The following UBE2D2 variants were observed in gnomAD, a reference collection of about 807,000 sequenced individuals.
UBE2D2 encodes ubiquitin conjugating enzyme E2 D2.
Under a neutral mutation model 24.2 loss-of-function variants are expected in UBE2D2, and 2 were observed. The ratio of observed to expected loss-of-function variants is 0.08; its 90% CI spans 0.03 to 0.26. The LOEUF (loss-of-function observed/expected upper bound fraction) is 0.26, where lower values mean the gene tolerates loss of function less well. Among genes scored for constraint, UBE2D2 ranks in the 10% least tolerant of loss-of-function variants. The pLI is 1.00. For missense variants in UBE2D2, 44 were observed against 177.6 expected (o/e 0.25, Z 4.28); for synonymous variants, 58 against 56.5 (o/e 1.03, Z -0.12).
chr5:139,588,312 C>CTGGAG lies in UBE2D2; in HGVS notation c.25-12047_25-12043dup, dbSNP rs1316911477. On this transcript the variant is annotated intron_variant, in intron 1 of 6. Coordinates refer to ENST00000398733, the MANE Select transcript of UBE2D2 (RefSeq NM_003339.3). ...AGGGAGTTTTGCTGTGTCGCCCAGG[C>CTGGAG]TGGAGTGGAGTGGAGTGCAGTGGCG... Among the ~76,000 whole-genome samples the CTGGAG allele has an allele frequency of 4.0e-5, 6 of 151,520 alleles. No homozygotes were observed. The East Asian group carries it at 9.7e-4, about 25-fold the overall frequency.
intron 1 of UBE2D2, among the ~76,000 whole-genome samples, chr5:139,589,599 C>T (rs1351093765): frequency 6.6e-6 from 1 of 152,026 alleles, no homozygotes; most frequent in Non-Finnish European, 1.5e-5. Flanking sequence ...TTGATGGAAA[C>T]AATTATTGAA....
At chr5:139,584,928 T>C (rs899088883) in intron 1 of UBE2D2, among the ~76,000 whole-genome samples, 8 of 149,978 alleles carry the variant, frequency 5.3e-5, no homozygotes, top group African/African-American at 2.0e-4. Flanking sequence ...GAGACACAGG[T>C]TCGCTCTTGT....
At chr5:139,570,448 C>T (rs1056689196) in intron 1 of UBE2D2, among the ~76,000 whole-genome samples, 1 of 152,122 alleles carries the variant, frequency 6.6e-6, no homozygotes, top group South Asian at 2.1e-4. Context: ...TCAAGAGATT[C>T]TCCTGCCTCA....
chr5:139,540,695 C>T (rs886483692), intron 1 of UBE2D2, among the ~76,000 whole-genome samples: 2 of 152,020 alleles, frequency 1.3e-5, no homozygotes, highest in African/African-American at 2.4e-5. Flanking sequence ...ACAATATTTA[C>T]ATTAAAAAGT....
At chr5:139,585,964 A>G (rs1561511679) in intron 1 of UBE2D2, among the ~76,000 whole-genome samples, 4 of 149,894 alleles carry the variant, frequency 2.7e-5, no homozygotes, top group Non-Finnish European at 5.9e-5. Flanking sequence ...AAAAAAAAGA[A>G]GAAAGAAATA....
At chr5:139,613,981 G>A (rs1268909204) in intron 2 of UBE2D2, among the ~76,000 whole-genome samples, 1 of 150,646 alleles carries the variant, frequency 6.6e-6, no homozygotes. Context: ...AGAATTGCTT[G>A]AACCCGGGAG....
intron 2 of UBE2D2, among the ~76,000 whole-genome samples, chr5:139,602,562 C>T (rs1444508449): frequency 2.0e-5 from 3 of 151,984 alleles, no homozygotes; most frequent in Admixed American, 1.3e-4. Flanking sequence ...CCTGTAGCCC[C>T]AGCTACTCAG....
chr5:139,600,714 A>G (rs1298172991), intron 2 of UBE2D2, among the ~76,000 whole-genome samples: 1 of 152,182 alleles, frequency 6.6e-6, no homozygotes, highest in Non-Finnish European at 1.5e-5. Context: ...ACAACTAGCT[A>G]TTATTCTTGA....
In UBE2D2 at chr5:139,597,069, AT is replaced by A. The variant is rs757675920; in HGVS notation, c.25-3302del. On this transcript the variant is annotated intron_variant, in intron 1 of 6. Transcript: ENST00000398733. The stretch of plus-strand genomic sequence containing the variant: ...TAAAAAAAAAATTACATTAAAAAAA[AT>A]AATAAACAACTTTGAGATAGGGTAT... Among the ~76,000 whole-genome samples, 31 of 152,240 alleles carry A rather than the reference AT, an allele frequency of 2.0e-4. No individual in the cohort carries two copies. The East Asian group carries it at 3.9e-3, about 19-fold the overall frequency.
chr5:139,537,623 G>A (rs925438904), intron 1 of UBE2D2, among the ~76,000 whole-genome samples: 2 of 151,754 alleles, frequency 1.3e-5, no homozygotes, highest in Admixed American at 1.3e-4. Flanking sequence ...CAAAGTGCTG[G>A]GATTATAGGC....
At chr5:139,614,795 A>C in intron 4 of UBE2D2, 21 bp downstream of exon 4, 2 of 1,613,008 alleles carry the variant, frequency 1.2e-6, no homozygotes, top group Non-Finnish European at 1.7e-6. Flanking sequence ...GGAATGTGGC[A>C]GTTTTTAATG....
At chr5:139,582,532 T>C (rs1753626455) in intron 1 of UBE2D2, among the ~76,000 whole-genome samples, 1 of 151,706 alleles carries the variant, frequency 6.6e-6, no homozygotes, top group Non-Finnish European at 1.5e-5. Flanking sequence ...TTTTAAATAA[T>C]TTTGTTCATG....
At chr5:139,615,341 T>C (rs1052345562) in intron 5 of UBE2D2, among the ~76,000 whole-genome samples, 3 of 152,032 alleles carry the variant, frequency 2.0e-5, no homozygotes, top group Non-Finnish European at 4.4e-5. Context: ...AAAAATTAGC[T>C]GGGCATGGTG....
chr5:139,571,015 T>C (rs918937494), intron 1 of UBE2D2, among the ~76,000 whole-genome samples: 2 of 152,242 alleles, frequency 1.3e-5, no homozygotes, highest in African/African-American at 4.8e-5. Flanking sequence ...CCTTCCACCT[T>C]AAACATTATT....
intron 1 of UBE2D2, among the ~76,000 whole-genome samples, chr5:139,572,151 G>A (rs965350680): frequency 6.6e-6 from 1 of 152,166 alleles, no homozygotes; most frequent in African/African-American, 2.4e-5. Context: ...CGTAATAGTT[G>A]ACATGATTTT....
chr5:139,625,185 G>A (rs1754590598), intron 6 of UBE2D2, among the ~76,000 whole-genome samples: 1 of 150,974 alleles, frequency 6.6e-6, no homozygotes, highest in Non-Finnish European at 1.5e-5. Flanking sequence ...AGCCTCCCCA[G>A]TAGCTGGGAC....
intron 5 of UBE2D2, among the ~76,000 whole-genome samples, chr5:139,616,892 T>A (rs1211073867): frequency 6.6e-6 from 1 of 152,140 alleles, no homozygotes; most frequent in Non-Finnish European, 1.5e-5. Flanking sequence ...TAAAAGAGTA[T>A]TGACCCTGGC....
chr5:139,612,832 G>A (rs181177687), intron 2 of UBE2D2, among the ~76,000 whole-genome samples: 1 of 152,252 alleles, frequency 6.6e-6, no homozygotes. Flanking sequence ...CAGAAACAGG[G>A]TCTTGCTATG....
chr5:139,550,603 A>C (rs1752901344), intron 1 of UBE2D2, among the ~76,000 whole-genome samples: 2 of 152,060 alleles, frequency 1.3e-5, no homozygotes, highest in Non-Finnish European at 2.9e-5. Flanking sequence ...TCTTTGAGAT[A>C]ACTTGCTGCT....
Sources: allele counts gnomAD v4.1 joint callset (sites outside exome capture counted in the v4.1 genomes callset), GRCh38; gene constraint gnomAD v4.1.1; transcripts MANE v1.5; gene names NCBI Gene and HGNC (gene_info 2026-07-23, HGNC 2026-07-21).